LEKR1: variants seen among roughly 807,000 people sequenced by gnomAD.
LEKR1 encodes leucine, glutamate and lysine rich 1.
A neutral mutation model predicts 72.4 loss-of-function variants in LEKR1; 59 were observed. That is an observed-to-expected ratio of 0.82 (90% confidence interval 0.66 to 1.01). LEKR1 has a LOEUF of 1.01. Among genes scored for constraint, LEKR1 ranks in the 50% least tolerant of loss-of-function variants. The pLI is 0.00. For missense variants in LEKR1, 728 were observed against 759.2 expected, an observed-to-expected ratio of 0.96 and a Z score of 0.48; for synonymous variants, 257 against 263.2, an observed-to-expected ratio of 0.98 and a Z score of 0.23.
intron 7 of LEKR1, among the ~76,000 whole-genome samples, chr3:156,981,471 A>C (rs1023344528): frequency 6.6e-6 from 1 of 152,220 alleles, no homozygotes; most frequent in Non-Finnish European, 1.5e-5. Flanking sequence ...TTATAAAACT[A>C]ATGTTTCCTA....
intron 12 of LEKR1, among the ~76,000 whole-genome samples, chr3:157,032,870 A>G (rs1452008535): frequency 1.3e-5 from 2 of 152,062 alleles, no homozygotes; most frequent in East Asian, 3.9e-4. Flanking sequence ...AAAGTCTCTC[A>G]GTGTCATTTT....
At chr3:156,870,530 G>A (rs575524253) in intron 3 of LEKR1, among the ~76,000 whole-genome samples, 1 of 152,004 alleles carries the variant, frequency 6.6e-6, no homozygotes, top group South Asian at 2.1e-4. Context: ...ATTTTTGTAT[G>A]TTAATTTATG....
At chr3:156,921,308 A>G (rs565566842) in intron 4 of LEKR1, among the ~76,000 whole-genome samples, 4 of 152,270 alleles carry the variant, frequency 2.6e-5, no homozygotes, top group East Asian at 3.9e-4. Context: ...AGTTAATTCA[A>G]CATGGCAAAT....
chr3:156,850,199 A>G (rs979199565), intron 2 of LEKR1, among the ~76,000 whole-genome samples: 1 of 152,016 alleles, frequency 6.6e-6, no homozygotes, highest in Non-Finnish European at 1.5e-5. Flanking sequence ...GCAAATATCT[A>G]TGTTATATAC....
intron 6 of LEKR1, among the ~76,000 whole-genome samples, chr3:156,972,821 T>C (rs1385981306): frequency 6.6e-6 from 1 of 151,360 alleles, no homozygotes; most frequent in Admixed American, 6.6e-5. Flanking sequence ...ATAAGACAGG[T>C]GTTAGTTTAA....
At chr3:157,007,885 T>C (rs1732586379) in intron 9 of LEKR1, among the ~76,000 whole-genome samples, 1 of 152,030 alleles carries the variant, frequency 6.6e-6, no homozygotes, top group African/African-American at 2.4e-5. Context: ...AGGTGGAGAG[T>C]TGGATACATG....
chr3:156,854,263 C>G (rs757967426), intron 3 of LEKR1, among the ~76,000 whole-genome samples: 2 of 150,668 alleles, frequency 1.3e-5, no homozygotes, highest in African/African-American at 2.4e-5. Flanking sequence ...CCTGCGTCAG[C>G]CTCACAAGTA....
In LEKR1 at chr3:156,998,246, G is replaced by A. The variant is rs755342384; in HGVS notation, c.1109+4969G>A. Among the ~76,000 whole-genome samples, 5 of 151,674 alleles carry A rather than the reference G, an allele frequency of 3.3e-5. No homozygotes were observed. In the East Asian group the frequency reaches 9.7e-4, roughly 29 times the overall value. On this transcript the variant is annotated intron_variant, in intron 9 of 12. Transcript: ENST00000356539. The stretch of plus-strand genomic sequence containing the variant: ...AAAAAGTGTCCTGTTGGCTGACAGG[G>A]GCACCTAATTCCATCCTTAGGGAAA...
At chr3:156,924,222 T>C (rs1422579475) in intron 4 of LEKR1, among the ~76,000 whole-genome samples, 4 of 152,216 alleles carry the variant, frequency 2.6e-5, no homozygotes, top group Admixed American at 6.5e-5. Context: ...TTTCCCAAGT[T>C]ACTAATGATG....
intron 2 of LEKR1, chr3:156,852,058 T>C (rs1715431737): frequency 6.6e-6 from 1 of 152,216 alleles, no homozygotes; most frequent in Non-Finnish European, 1.5e-5. Flanking sequence ...TAGATAAATA[T>C]AATACAGATG....
chr3:156,951,843 T>C (rs1244826827), intron 6 of LEKR1, among the ~76,000 whole-genome samples: 3 of 151,606 alleles, frequency 2.0e-5, no homozygotes, highest in East Asian at 3.9e-4. Flanking sequence ...TGTGTGTCTT[T>C]ATTTCCTTCC....
At chr3:156,841,150 G>A (rs1713852991) in intron 2 of LEKR1, among the ~76,000 whole-genome samples, 1 of 152,192 alleles carries the variant, frequency 6.6e-6, no homozygotes, top group Non-Finnish European at 1.5e-5. Flanking sequence ...ATGGTGGGAT[G>A]GCCAGAGGGG....
At chr3:156,950,640 G>A (rs1727073870) in intron 6 of LEKR1, among the ~76,000 whole-genome samples, 1 of 151,210 alleles carries the variant, frequency 6.6e-6, no homozygotes, top group East Asian at 1.9e-4. Flanking sequence ...ATTGTAAATG[G>A]GATTGTGTTC....
chr3:156,841,496 T>G (rs962330622), intron 2 of LEKR1, among the ~76,000 whole-genome samples: 3 of 152,012 alleles, frequency 2.0e-5, no homozygotes, highest in Non-Finnish European at 4.4e-5. Context: ...TACAGAGAAG[T>G]GGGGACACCA....
chr3:157,029,724 A>G (rs551171910), intron 12 of LEKR1, among the ~76,000 whole-genome samples: 1 of 152,246 alleles, frequency 6.6e-6, no homozygotes, highest in African/African-American at 2.4e-5. Context: ...TCTGCTAGAG[A>G]AACCCTGAGA....
At chr3:156,942,775 T>A in intron 6 of LEKR1, 61 bp downstream of exon 6, 1 of 710,146 alleles carries the variant, frequency 1.4e-6, no homozygotes, top group Middle Eastern at 3.0e-4. Flanking sequence ...AATAAATGTT[T>A]ACATTTTTAC....
At chr3:156,838,433 C>T (rs1412567882) in intron 2 of LEKR1, among the ~76,000 whole-genome samples, 1 of 152,192 alleles carries the variant, frequency 6.6e-6, no homozygotes, top group East Asian at 1.9e-4. Flanking sequence ...ACCTCTTATT[C>T]TCTAACTGGG....
At chr3:156,862,392 C>T (rs1258344033) in intron 3 of LEKR1, among the ~76,000 whole-genome samples, 3 of 151,984 alleles carry the variant, frequency 2.0e-5, no homozygotes, top group Non-Finnish European at 4.4e-5. Flanking sequence ...AGAATGAATT[C>T]GAAGGGAGGC....
intron 7 of LEKR1, among the ~76,000 whole-genome samples, chr3:156,983,128 T>C (rs1007795687): frequency 1.3e-5 from 2 of 152,160 alleles, no homozygotes; most frequent in Admixed American, 6.5e-5. Context: ...TAAAGATAGA[T>C]AAATAAGCCT....
Sources: gnomAD v4.1 joint callset for allele counts (sites outside exome capture counted in the v4.1 genomes callset) on GRCh38, gnomAD v4.1.1 for gene constraint, MANE v1.5 for transcripts, NCBI Gene and HGNC (gene_info 2026-07-23, HGNC 2026-07-21) for gene names.